ANXA10: variants seen among roughly 807,000 people sequenced by gnomAD.
The protein encoded by ANXA10 is annexin 14.
In ANXA10, 49 loss-of-function variants were observed where a neutral mutation model predicts 53.5. That is an observed-to-expected ratio of 0.92 (90% CI 0.73 to 1.16). ANXA10 has a LOEUF of 1.16. Among genes scored for constraint, ANXA10 ranks in the 50% most tolerant of loss-of-function variants. ANXA10 has a pLI of 0.00. For synonymous variants in ANXA10, 131 were observed against 128.9 expected, an observed-to-expected ratio of 1.02 and a Z score of -0.11; for missense variants, 393 against 394.4, an observed-to-expected ratio of 1.00 and a Z score of 0.03.
At chr4:168,120,743 A>C (rs1261751668) in intron 1 of ANXA10, among the ~76,000 whole-genome samples, 3 of 151,318 alleles carry the variant, frequency 2.0e-5, no homozygotes, top group Admixed American at 1.3e-4. Flanking sequence ...ATAATGACTT[A>C]ATGTTAATGT....
At chr4:168,179,475 C>A (rs1178027070) in intron 9 of ANXA10, among the ~76,000 whole-genome samples, 163 bp downstream of exon 9, 5 of 152,160 alleles carry the variant, frequency 3.3e-5, no homozygotes, top group Non-Finnish European at 7.4e-5. Context: ...AAGAGTACAT[C>A]AGCTACTGAT....
chr4:168,133,422 T>C (rs528338231), intron 2 of ANXA10, among the ~76,000 whole-genome samples: 1 of 152,184 alleles, frequency 6.6e-6, no homozygotes, highest in Non-Finnish European at 1.5e-5. Context: ...AATGGCTGAA[T>C]TTTTGGGTTC....
chr4:168,158,792 G>A (rs1264954567), intron 3 of ANXA10, among the ~76,000 whole-genome samples: 1 of 152,174 alleles, frequency 6.6e-6, no homozygotes, highest in Non-Finnish European at 1.5e-5. Context: ...TGCTACATTA[G>A]TTGGTTTAGA....
chr4:168,151,777 T>C (rs1053721871), intron 3 of ANXA10, among the ~76,000 whole-genome samples: 3 of 152,246 alleles, frequency 2.0e-5, no homozygotes, highest in Admixed American at 6.5e-5. Context: ...CTCCTTCCAG[T>C]GTCCTGATAA....
chr4:168,117,833 C>T (rs1375566222), intron 1 of ANXA10, among the ~76,000 whole-genome samples: 4 of 152,166 alleles, frequency 2.6e-5, no homozygotes, highest in Admixed American at 2.6e-4. Flanking sequence ...CCTATCCCAG[C>T]AGCTCAGGCA....
chr4:168,158,708 T>C (rs1305176328), intron 3 of ANXA10, among the ~76,000 whole-genome samples: 2 of 152,194 alleles, frequency 1.3e-5, no homozygotes, highest in Non-Finnish European at 2.9e-5. Flanking sequence ...CTCTATCAGT[T>C]TGAGAAAGAT....
chr4:168,113,813 G>T (rs542868834), intron 1 of ANXA10, among the ~76,000 whole-genome samples: 1 of 152,266 alleles, frequency 6.6e-6, no homozygotes, highest in East Asian at 1.9e-4. Flanking sequence ...CTTATTCATG[G>T]TGTTGAATTA....
intron 1 of ANXA10, among the ~76,000 whole-genome samples, chr4:168,095,216 T>C (rs1380791671): frequency 5.3e-5 from 8 of 151,984 alleles, no homozygotes; most frequent in Non-Finnish European, 1.0e-4. Context: ...AATTTTCTTG[T>C]AAAAATTGTT....
At chr4:168,118,269 G>T (rs1730930264) in intron 1 of ANXA10, among the ~76,000 whole-genome samples, 1 of 152,152 alleles carries the variant, frequency 6.6e-6, no homozygotes, top group Non-Finnish European at 1.5e-5. Flanking sequence ...GCTTTCAAAA[G>T]ATTAAATATA....
intron 10 of ANXA10, among the ~76,000 whole-genome samples, chr4:168,184,333 C>T (rs1732321693): frequency 6.6e-6 from 1 of 152,094 alleles, no homozygotes; most frequent in African/African-American, 2.4e-5. Flanking sequence ...ACAAGGCATT[C>T]AGAAAATAGA....
chr4:168,152,205 G>T (rs957393854), intron 3 of ANXA10, among the ~76,000 whole-genome samples: 1 of 152,162 alleles, frequency 6.6e-6, no homozygotes, highest in Admixed American at 6.6e-5. Context: ...GGGAGATGGG[G>T]TGTAATTTTA....
At chr4:168,107,997 A>G (rs919631408) in intron 1 of ANXA10, among the ~76,000 whole-genome samples, 3 of 152,228 alleles carry the variant, frequency 2.0e-5, no homozygotes, top group Admixed American at 1.3e-4. Context: ...TAGAAATTTA[A>G]AATGTCTAAT....
intron 10 of ANXA10, among the ~76,000 whole-genome samples, chr4:168,183,365 T>C (rs912015739): frequency 2.0e-5 from 3 of 152,248 alleles, no homozygotes; most frequent in Admixed American, 2.0e-4. Context: ...AACAGTTGAT[T>C]TGGTTAAACA....
chr4:168,129,282 T>G (rs1223163350), intron 2 of ANXA10, among the ~76,000 whole-genome samples: 1 of 152,200 alleles, frequency 6.6e-6, no homozygotes, highest in African/African-American at 2.4e-5. Context: ...TGCAATGCTT[T>G]CATGCCTTTT....
Position 168,092,667 on chromosome 4 carries a change from A to G in ANXA10, c.-34A>G. On this transcript the variant is annotated 5_prime_UTR_variant, in exon 1 of 12. In the 5' UTR this introduces an upstream ATG that the reference lacks. Transcript: ENST00000359299. ...AACAAGTTTATGCAATCGATCAAAT[A>G]TTTTCATCCCTGAGGTTAACAATTA... 1 of 1,581,154 alleles carries G rather than the reference A, an allele frequency of 6.3e-7. No individual in the cohort carries two copies. The highest frequency in any genetic ancestry group is 8.6e-7 in the Non-Finnish European group (1 of 1,162,994).
intron 2 of ANXA10, among the ~76,000 whole-genome samples, chr4:168,134,087 A>G (rs924154209): frequency 2.6e-5 from 4 of 152,106 alleles, no homozygotes; most frequent in Admixed American, 2.0e-4. Flanking sequence ...AAACACAAAA[A>G]TCAGTATCAC....
intron 2 of ANXA10, among the ~76,000 whole-genome samples, chr4:168,131,980 T>C (rs1731162466): frequency 6.6e-6 from 1 of 152,042 alleles, no homozygotes; most frequent in Non-Finnish European, 1.5e-5. Flanking sequence ...ATAACAAATG[T>C]TGGCAAGAAT....
At chr4:168,166,222 T>C (rs188158036) in intron 6 of ANXA10, among the ~76,000 whole-genome samples, 161 of 152,334 alleles carry the variant, frequency 1.1e-3, no homozygotes, top group Non-Finnish European at 1.9e-3. Flanking sequence ...TTTGATTGAA[T>C]GCTAGAGACT....
At chr4:168,162,239 A>T (rs1731797538) in intron 3 of ANXA10, among the ~76,000 whole-genome samples, 1 of 152,204 alleles carries the variant, frequency 6.6e-6, no homozygotes. Flanking sequence ...ACATATTTTC[A>T]TAATGAGATC....
Sources: gnomAD v4.1 joint callset for allele counts (sites outside exome capture counted in the v4.1 genomes callset) on GRCh38, gnomAD v4.1.1 for gene constraint, MANE v1.5 for transcripts, NCBI Gene and HGNC (gene_info 2026-07-23, HGNC 2026-07-21) for gene names.